DIAPH3: variants seen among roughly 807,000 people sequenced by gnomAD.
DIAPH3 encodes the protein protein diaphanous homolog 3.
Under a neutral mutation model 144.3 loss-of-function variants are expected in DIAPH3, and 117 were observed. That is an observed-to-expected ratio of 0.81 (90% CI 0.70 to 0.95). The LOEUF (loss-of-function observed/expected upper bound fraction) is 0.95, where lower values mean the gene tolerates loss of function less well. Ranked by LOEUF, DIAPH3 falls within the 40% of genes least tolerant of loss-of-function variation. The pLI is 0.00. For synonymous variants in DIAPH3, 519 were observed against 488.9 expected (o/e 1.06, Z -0.81); for missense variants, 1,421 against 1,412.7 (o/e 1.01, Z -0.09).
At chr13:59,969,891 A>G (rs201609443) in intron 17 of DIAPH3, 53 bp downstream of exon 17, 27 of 1,142,474 alleles carry the variant, frequency 2.4e-5, no homozygotes, top group East Asian at 7.8e-5. Context: ...CATAAAAAGT[A>G]TATGTTAAAA....
chr13:60,119,178 T>C (rs1022651793), intron 2 of DIAPH3, among the ~76,000 whole-genome samples: 2 of 152,180 alleles, frequency 1.3e-5, no homozygotes, highest in Non-Finnish European at 2.9e-5. Flanking sequence ...TTTGTTTTGC[T>C]CCTTCTTGGG....
At chr13:59,714,315 C>T (rs550363721) in intron 27 of DIAPH3, among the ~76,000 whole-genome samples, 4 of 141,938 alleles carry the variant, frequency 2.8e-5, no homozygotes, top group Admixed American at 7.3e-5. Flanking sequence ...AGCCGAGATC[C>T]CGCCACTGCA....
At chr13:59,830,808 T>C (rs796353666) in intron 24 of DIAPH3, among the ~76,000 whole-genome samples, 60 of 152,118 alleles carry the variant, frequency 3.9e-4, no homozygotes, top group African/African-American at 1.4e-3. Flanking sequence ...TTGTAAATAA[T>C]TGATCTAAAA....
chr13:60,088,900 G>A (rs1039594034), intron 4 of DIAPH3, among the ~76,000 whole-genome samples: 1 of 152,184 alleles, frequency 6.6e-6, no homozygotes, highest in African/African-American at 2.4e-5. Context: ...AGGATTACAG[G>A]AGTAAGCCAC....
At chr13:60,013,539 T>C (rs376086074) in intron 7 of DIAPH3, among the ~76,000 whole-genome samples, 12 of 152,212 alleles carry the variant, frequency 7.9e-5, no homozygotes, top group African/African-American at 2.9e-4. Context: ...TTTTCATCCT[T>C]ATTATCTTTT....
At chr13:59,846,286 T>C (rs994805010) in intron 22 of DIAPH3, among the ~76,000 whole-genome samples, 5 of 152,144 alleles carry the variant, frequency 3.3e-5, no homozygotes, top group Non-Finnish European at 7.4e-5. Flanking sequence ...TTGGTCATTA[T>C]TTCATAATAA....
intron 1 of DIAPH3, among the ~76,000 whole-genome samples, chr13:60,134,718 G>A (rs1229027245): frequency 1.3e-5 from 2 of 151,954 alleles, no homozygotes; most frequent in African/African-American, 2.4e-5. Flanking sequence ...AAAAAAAAAA[G>A]TGGCAGGTAA....
intron 1 of DIAPH3, among the ~76,000 whole-genome samples, chr13:60,158,977 C>G (rs1253753257): frequency 6.9e-6 from 1 of 143,996 alleles, no homozygotes. Flanking sequence ...AGGTAACATT[C>G]ACAGGTTCCA....
chr13:59,722,172 C>T (rs540707280), intron 27 of DIAPH3, among the ~76,000 whole-genome samples: 1 of 152,172 alleles, frequency 6.6e-6, no homozygotes, highest in Non-Finnish European at 1.5e-5. Flanking sequence ...AATCGGTATA[C>T]GTCCTCATAG....
At chr13:59,922,937 T>C (rs1052206101) in intron 18 of DIAPH3, among the ~76,000 whole-genome samples, 1 of 152,142 alleles carries the variant, frequency 6.6e-6, no homozygotes, top group African/African-American at 2.4e-5. Context: ...AGCAATCTTA[T>C]TGAAATCACT....
chr13:59,970,283 T>C (rs1371214679), intron 16 of DIAPH3, among the ~76,000 whole-genome samples: 1 of 152,240 alleles, frequency 6.6e-6, no homozygotes, highest in African/African-American at 2.4e-5. Context: ...GGATTTGAAA[T>C]ACGATTTAAT....
intron 3 of DIAPH3, among the ~76,000 whole-genome samples, chr13:60,103,400 T>C (rs1310259041): frequency 1.3e-5 from 2 of 152,082 alleles, no homozygotes; most frequent in African/African-American, 2.4e-5. Flanking sequence ...AAATTTAAAA[T>C]GATTGACTAT....
At chr13:60,066,030 G>A (rs1291925821) in intron 4 of DIAPH3, among the ~76,000 whole-genome samples, 1 of 151,932 alleles carries the variant, frequency 6.6e-6, no homozygotes, top group African/African-American at 2.4e-5. Flanking sequence ...TCAGAAACAA[G>A]ACAAGAAAAT....
rs965076215 is a variant in DIAPH3 at position 59,985,622 on chromosome 13, A to C, written c.1362-1735T>G. Reference sequence around the variant, plus strand: ...CTTAAGCTGATAAGCAACTTCAGCAAAGTCTCAGGATACAAAATCAATGTA... The same window carrying C: ...CTTAAGCTGATAAGCAACTTCAGCACAGTCTCAGGATACAAAATCAATGTA... On this transcript the variant is annotated intron_variant, in intron 12 of 27. Coordinates refer to ENST00000400324, the MANE Select transcript of DIAPH3 (RefSeq NM_001042517.2). Among the ~76,000 whole-genome samples the C allele has an allele frequency of 1.0e-4, 6 of 57,494 alleles. 3 individuals carry two copies. Among genetic ancestry groups the C allele is most frequent in the Non-Finnish European group, 2.1e-4 (6 of 28,542 alleles). 37.7% of individuals were successfully genotyped at this position (57,494 alleles called of 152,430 possible). A position where few individuals can be genotyped will look rare whatever the true frequency, so the allele number is the denominator to read the frequency against.
At chr13:60,031,013 C>A (rs2054749240) in intron 5 of DIAPH3, among the ~76,000 whole-genome samples, 1 of 152,122 alleles carries the variant, frequency 6.6e-6, no homozygotes, top group Non-Finnish European at 1.5e-5. Context: ...TTGTATTAGG[C>A]CATTCTTGCA....
At chr13:60,064,575 G>C (rs1011633150) in intron 4 of DIAPH3, among the ~76,000 whole-genome samples, 2 of 152,188 alleles carry the variant, frequency 1.3e-5, no homozygotes, top group Admixed American at 6.5e-5. Flanking sequence ...GAGAGTTAGG[G>C]CCTTGCTCTG....
chr13:60,022,472 A>C (rs1372707540), intron 5 of DIAPH3, among the ~76,000 whole-genome samples: 2 of 152,214 alleles, frequency 1.3e-5, no homozygotes, highest in Non-Finnish European at 2.9e-5. Context: ...GTTTAAAACC[A>C]CAAATATATT....
At chr13:59,882,516 C>CAT (rs1165389482) in intron 20 of DIAPH3, among the ~76,000 whole-genome samples, 1 of 152,194 alleles carries the variant, frequency 6.6e-6, no homozygotes, top group Admixed American at 6.5e-5. Flanking sequence ...CACCACTTCT[C>CAT]ATATTCTATC....
At chr13:59,926,271 A>C (rs893859658) in intron 17 of DIAPH3, among the ~76,000 whole-genome samples, 1 of 152,134 alleles carries the variant, frequency 6.6e-6, no homozygotes, top group African/African-American at 2.4e-5. Context: ...TACAGGTGTG[A>C]GCCACCTCAC....
Sources: allele counts gnomAD v4.1 joint callset (sites outside exome capture counted in the v4.1 genomes callset), GRCh38; gene constraint gnomAD v4.1.1; transcripts MANE v1.5; gene names NCBI Gene and HGNC (gene_info 2026-07-23, HGNC 2026-07-21).